The following CDYL2 variants were observed in gnomAD, a reference collection of about 807,000 sequenced individuals.
CDYL2 encodes chromodomain Y-like protein 2.
In CDYL2, 23 loss-of-function variants were observed where a neutral mutation model predicts 49.4. The observed-to-expected ratio is 0.47, with a 90% CI of 0.34 to 0.66. The LOEUF (loss-of-function observed/expected upper bound fraction) is 0.66. Ranked by LOEUF, CDYL2 falls within the 30% of genes least tolerant of loss-of-function variation. The pLI is 0.01. For synonymous variants in CDYL2, 360 were observed against 268.8 expected (o/e 1.34, Z -3.32); for missense variants, 678 against 656.4 (o/e 1.03, Z -0.36).
At chr16:80,702,961 A>T (rs1904310806) in intron 1 of CDYL2, among the ~76,000 whole-genome samples, 5 of 152,222 alleles carry the variant, frequency 3.3e-5, no homozygotes, top group Non-Finnish European at 4.4e-5. Flanking sequence ...GCTTTAAGCC[A>T]CTAAGTCCAT....
chr16:80,719,663 C>A (rs1243404881), intron 1 of CDYL2, among the ~76,000 whole-genome samples: 1 of 152,144 alleles, frequency 6.6e-6, no homozygotes, highest in East Asian at 1.9e-4. Flanking sequence ...ACAAGGCCAC[C>A]CAGACCCCAA....
chr16:80,797,323 G>C (rs1477125718), intron 1 of CDYL2, among the ~76,000 whole-genome samples: 1 of 152,044 alleles, frequency 6.6e-6, no homozygotes, highest in Admixed American at 6.6e-5. Flanking sequence ...TCCACCTAAT[G>C]GACTAGAATG....
intron 3 of CDYL2, among the ~76,000 whole-genome samples, chr16:80,621,747 G>A (rs1302002168): frequency 6.6e-6 from 1 of 152,192 alleles, no homozygotes; most frequent in Non-Finnish European, 1.5e-5. Context: ...TGGCCACCCT[G>A]CCATCATGGG....
chr16:80,623,528 G>C lies in CDYL2; in HGVS notation c.835-2593C>G, dbSNP rs575891452. Among the ~76,000 whole-genome samples, 15 of 152,168 alleles carry C rather than the reference G, an allele frequency of 9.9e-5. 1 individual carries two copies. The South Asian group carries it at 3.1e-3, about 32-fold the overall frequency. On this transcript the variant is annotated intron_variant, in intron 3 of 6. Coordinates refer to ENST00000570137, the MANE Select transcript of CDYL2 (RefSeq NM_152342.4). ...GACCAGCAGCTTCACATTCCTAGGA[G>C]CTGCCTAGAAATGCAGAGTCTTGGA...
At position 80,755,483 on chromosome 16, in the gene CDYL2, C is replaced by T. The variant is rs564459137; in HGVS notation, c.24+48667G>A. Among the ~76,000 whole-genome samples the T allele has an allele frequency of 2.0e-5, 3 of 152,320 alleles. No individual in the cohort carries two copies. The East Asian group carries it at 5.8e-4, about 29-fold the overall frequency. On this transcript the variant is annotated intron_variant, in intron 1 of 6. Coordinates refer to ENST00000570137, the MANE Select transcript of CDYL2 (RefSeq NM_152342.4). ...TACCTACAGCCAAGAAATGGCATAG[C>T]TTCCCTAATGGTTCACAGGGCCAAT...
chr16:80,672,824 T>C (rs577893759), intron 2 of CDYL2, among the ~76,000 whole-genome samples: 46 of 152,340 alleles, frequency 3.0e-4, no homozygotes, highest in African/African-American at 1.0e-3. Flanking sequence ...ACCTGACTCA[T>C]AGCAAGGGCT....
At chr16:80,682,814 G>A (rs1053260500) in intron 2 of CDYL2, among the ~76,000 whole-genome samples, 1 of 152,098 alleles carries the variant, frequency 6.6e-6, no homozygotes, top group Non-Finnish European at 1.5e-5. Context: ...CCATTTACAC[G>A]AGCCCACTTC....
At chr16:80,675,543 C>G (rs1425352979) in intron 2 of CDYL2, among the ~76,000 whole-genome samples, 1 of 152,180 alleles carries the variant, frequency 6.6e-6, no homozygotes, top group Non-Finnish European at 1.5e-5. Flanking sequence ...TGAAGACTGG[C>G]TGCTTTGTGT....
At chr16:80,658,802 T>C (rs1908916902) in intron 2 of CDYL2, among the ~76,000 whole-genome samples, 1 of 152,138 alleles carries the variant, frequency 6.6e-6, no homozygotes, top group Non-Finnish European at 1.5e-5. Flanking sequence ...CAAGGGCTCC[T>C]AGAGAAATGG....
chr16:80,618,263 GT>G (rs1030618620), intron 4 of CDYL2, among the ~76,000 whole-genome samples: 1 of 132,868 alleles, frequency 7.5e-6, no homozygotes, highest in African/African-American at 4.3e-5. Context: ...TCAGGAGCCA[GT>G]TTGGGCCTCA....
At chr16:80,640,136 G>A (rs947242364) in intron 2 of CDYL2, among the ~76,000 whole-genome samples, 1 of 152,104 alleles carries the variant, frequency 6.6e-6, no homozygotes, top group Non-Finnish European at 1.5e-5. Context: ...CACCAGCTGG[G>A]GTGGCTAAGG....
intron 1 of CDYL2, among the ~76,000 whole-genome samples, chr16:80,800,714 C>G (rs765627296): frequency 2.6e-5 from 4 of 152,096 alleles, no homozygotes; most frequent in Non-Finnish European, 2.9e-5. Context: ...AGAAGGACAA[C>G]GAAGGTCACA....
At chr16:80,642,051 T>C (rs1021218243) in intron 2 of CDYL2, among the ~76,000 whole-genome samples, 2 of 152,024 alleles carry the variant, frequency 1.3e-5, no homozygotes, top group Non-Finnish European at 2.9e-5. Context: ...AATGAGCAGG[T>C]CAAAAATAAT....
In CDYL2 at chr16:80,602,313, G is replaced by A. The variant is rs1906126685; in HGVS notation, c.*2075C>T. The A allele has an allele frequency of 6.6e-6, 1 of 152,068 alleles. No homozygotes were observed. The highest frequency in any genetic ancestry group is 2.4e-5 in the African/African-American group (1 of 41,380). 9.4% of individuals were successfully genotyped at this position (152,068 alleles called of 1,614,324 possible). On this transcript the variant is annotated 3_prime_UTR_variant, in exon 7 of 7. Coordinates refer to ENST00000570137, the MANE Select transcript of CDYL2 (RefSeq NM_152342.4). The stretch of plus-strand genomic sequence containing the variant: ...AGGATCCTACATGGACAAAGGGGAG[G>A]GTGCACAGGACTTTAATTCCATCCT...
At chr16:80,627,954 C>G (rs1237331239) in intron 3 of CDYL2, 1 of 152,220 alleles carries the variant, frequency 6.6e-6, no homozygotes, top group Admixed American at 6.5e-5. Context: ...GGTTTACACC[C>G]AGATAACCAA....
chr16:80,629,049 T>C (rs1907432084), intron 3 of CDYL2, among the ~76,000 whole-genome samples: 1 of 152,044 alleles, frequency 6.6e-6, no homozygotes, highest in South Asian at 2.1e-4. Flanking sequence ...ACCAGGTGAC[T>C]GAGGTACAGG....
At chr16:80,662,820 A>G in intron 2 of CDYL2, 1 of 450,920 alleles carries the variant, frequency 2.2e-6, no homozygotes, top group Admixed American at 2.4e-5. Flanking sequence ...GATACCTTCC[A>G]CATCTTGACA....
chr16:80,748,096 C>CA (rs1567593770), intron 1 of CDYL2, among the ~76,000 whole-genome samples: 1 of 150,360 alleles, frequency 6.7e-6, no homozygotes, highest in Non-Finnish European at 1.5e-5. Flanking sequence ...AGCCAGTTCA[C>CA]ACTCACAGGT....
At chr16:80,777,065 G>A (rs561794598) in intron 1 of CDYL2, among the ~76,000 whole-genome samples, 19 of 151,964 alleles carry the variant, frequency 1.3e-4, no homozygotes, top group Middle Eastern at 3.4e-3. Context: ...CAGGCAATCC[G>A]TCCGCCTTGG....
Sources: allele counts gnomAD v4.1 joint callset (sites outside exome capture counted in the v4.1 genomes callset), GRCh38; gene constraint gnomAD v4.1.1; transcripts MANE v1.5; gene names NCBI Gene and HGNC (gene_info 2026-07-23, HGNC 2026-07-21).